Variants in ARHGEF10L observed in about 807,000 individuals in gnomAD.
The protein encoded by ARHGEF10L is Rho guanine nucleotide exchange factor 10 like, also known as rho guanine nucleotide exchange factor 10-like protein.
Under a neutral mutation model 141.2 loss-of-function variants are expected in ARHGEF10L, and 69 were observed. The observed-to-expected ratio is 0.49, with a 90% confidence interval of 0.40 to 0.60. The LOEUF is 0.60. ARHGEF10L is among the 20% of genes least tolerant of loss of function. The pLI is 0.00. For synonymous variants in ARHGEF10L, 711 were observed against 718.5 expected, an observed-to-expected ratio of 0.99 and a Z score of 0.17; for missense variants, 1,482 against 1,734.3, an observed-to-expected ratio of 0.85 and a Z score of 2.58.
chr1:17,542,808 A>G (rs2076776926), intron 1 of ARHGEF10L, among the ~76,000 whole-genome samples: 1 of 152,202 alleles, frequency 6.6e-6, no homozygotes, highest in Non-Finnish European at 1.5e-5. Context: ...GTCGAAGGTC[A>G]CTGCTGAAGC....
intron 25 of ARHGEF10L, among the ~76,000 whole-genome samples, chr1:17,662,503 G>C (rs114704420): frequency 5.0e-4 from 76 of 152,278 alleles, no homozygotes; most frequent in Non-Finnish European, 7.8e-4. Flanking sequence ...CTGGCTGGCC[G>C]GGCAGAGCGC....
intron 1 of ARHGEF10L, among the ~76,000 whole-genome samples, chr1:17,572,330 C>T (rs1364963808): frequency 6.6e-6 from 1 of 152,174 alleles, no homozygotes; most frequent in Non-Finnish European, 1.5e-5. Context: ...ACTCTGCAGG[C>T]ATGGAGAGTT....
rs770825211 is a variant in ARHGEF10L at position 17,632,529 on chromosome 1, CCA to C, written c.1730+64_1730+65del. ...CCTGGAGACCCCATCCCGCCCTACT[CCA>C]GTCTCTTGGCCGGCCGCACTACAGT... On this transcript the variant is annotated intron_variant, in intron 16 of 28. Coordinates refer to ENST00000361221, the MANE Select transcript of ARHGEF10L (RefSeq NM_018125.4). 1.7e-4 allele frequency: 279 copies of C among 1,605,234 alleles called. 1 individual carries two copies. Among genetic ancestry groups the C allele is most frequent in the Non-Finnish European group, 2.2e-4 (263 of 1,174,402 alleles).
chr1:17,603,178 G>A lies in ARHGEF10L; in HGVS notation c.350-330G>A, dbSNP rs1376980848. Among the ~76,000 whole-genome samples, 1 of 152,010 alleles carries A rather than the reference G, an allele frequency of 6.6e-6. No individual in the cohort carries two copies. Among genetic ancestry groups the A allele is most frequent in the East Asian group, 1.9e-4 (1 of 5,156 alleles). On this transcript the variant is annotated intron_variant, in intron 5 of 28. Transcript: ENST00000361221. The surrounding 1 kb of genome is among the most constrained non-coding windows in gnomAD (Gnocchi z 4.8). Reference sequence around the variant, plus strand: ...GTCCTGGGTGACTGAGGATGCTAGGGCCAGGGCACAGGTGCTGGACTGCGT... The same window carrying A: ...GTCCTGGGTGACTGAGGATGCTAGGACCAGGGCACAGGTGCTGGACTGCGT...
the ARHGEF10L span, among the ~76,000 whole-genome samples, chr1:17,526,059 C>T: frequency 1.1e-4 from 17 of 151,382 alleles, no homozygotes; most frequent in East Asian, 2.1e-3. Context: ...AACTAGAGGG[C>T]AATAACTCCC....
chr1:17,645,229 G>A (rs752314836), intron 21 of ARHGEF10L, among the ~76,000 whole-genome samples: 3 of 152,140 alleles, frequency 2.0e-5, no homozygotes, highest in Non-Finnish European at 2.9e-5. Context: ...AATTTTCAGC[G>A]ACAGCAGTCT....
the ARHGEF10L span, among the ~76,000 whole-genome samples, chr1:17,514,382 C>T: frequency 2.6e-5 from 4 of 151,602 alleles, no homozygotes; most frequent in East Asian, 2.0e-4. Flanking sequence ...GTGATCCACC[C>T]GCCTCAGACT....
rs543964217 is a variant in ARHGEF10L, at chr1:17,676,439, T to C, written c.3010-11134T>C. On this transcript the variant is annotated intron_variant, in intron 26 of 28. Transcript: ENST00000361221. The stretch of plus-strand genomic sequence containing the variant: ...GTGTAGGTGCAGGCATGGGTGCAGG[T>C]GTGGGTGCAGGTGTGGGGTGGTGGA... 2.0e-5 allele frequency among the ~76,000 whole-genome samples: 3 copies of C among 148,720 alleles called. No homozygotes were observed. The South Asian group carries it at 6.3e-4, about 31-fold the overall frequency.
At chr1:17,595,117 CA>C (rs1457654616) in intron 4 of ARHGEF10L, among the ~76,000 whole-genome samples, 2 of 151,866 alleles carry the variant, frequency 1.3e-5, no homozygotes, top group African/African-American at 4.8e-5. Context: ...TTAATCCTAC[CA>C]TGATGTGTTT....
chr1:17,590,596 G>A (rs563616469), intron 4 of ARHGEF10L, among the ~76,000 whole-genome samples: 1 of 152,272 alleles, frequency 6.6e-6, no homozygotes, highest in Admixed American at 6.5e-5. Flanking sequence ...TGGCTTAAGT[G>A]GCAGGCACGG....
intron 22 of ARHGEF10L, among the ~76,000 whole-genome samples, chr1:17,651,984 C>T (rs2061963574): frequency 6.6e-6 from 1 of 152,244 alleles, no homozygotes; most frequent in Non-Finnish European, 1.5e-5. Flanking sequence ...TGTCCAATTA[C>T]TGCAGAAGCA....
At chr1:17,668,654 C>T (rs757534093) in intron 26 of ARHGEF10L, among the ~76,000 whole-genome samples, 4 of 152,160 alleles carry the variant, frequency 2.6e-5, no homozygotes, top group Non-Finnish European at 5.9e-5. Flanking sequence ...AAGGGGTGGC[C>T]AGGGAGCCTC....
rs2060323242 is a variant in ARHGEF10L, at chr1:17,625,348, T to G, written c.1318-608T>G. Among the ~76,000 whole-genome samples the G allele has an allele frequency of 6.6e-6, 1 of 152,038 alleles. No homozygotes were observed. The highest frequency in any genetic ancestry group is 1.5e-5 in the Non-Finnish European group (1 of 67,992). On this transcript the variant is annotated intron_variant, in intron 13 of 28. Transcript: ENST00000361221. The surrounding 1 kb of genome is among the most constrained non-coding windows in gnomAD (Gnocchi z 4.5). ...GGAGTCCCAGGAGAGAAGGCCTGAG[T>G]GTGCACACTAAGAGGCGGCTGAGTT...
the ARHGEF10L span, among the ~76,000 whole-genome samples, chr1:17,516,117 C>T: frequency 2.0e-5 from 3 of 152,260 alleles, no homozygotes; most frequent in Non-Finnish European, 2.9e-5. Flanking sequence ...GGGCTGCTTC[C>T]AGTGTGCTGG....
In ARHGEF10L at chr1:17,635,450, C is replaced by T. The variant is rs527924741; in HGVS notation, c.1927+434C>T. On this transcript the variant is annotated intron_variant, in intron 18 of 28. Coordinates refer to ENST00000361221, the MANE Select transcript of ARHGEF10L (RefSeq NM_018125.4). ...GGTCCTGAGGGTGTACCACCTGCCT[C>T]ACTCACCTCCCTCTGCCCCTTCTCT... is the stretch of plus-strand genomic sequence containing the variant. Among the ~76,000 whole-genome samples, 4 of 152,336 alleles carry T rather than the reference C, an allele frequency of 2.6e-5. No individual in the cohort carries two copies. In the East Asian group the frequency reaches 5.8e-4, roughly 22 times the overall value.
rs74994188 is a variant in ARHGEF10L, at chr1:17,595,592, G to T, written c.258-6535G>T. ...CTGCTCTCTACTCATCCAGTAAGGG[G>T]ATCTGTGACCATGTGTGGGGTGGCA... On this transcript the variant is annotated intron_variant, in intron 4 of 28. Transcript: ENST00000361221. Among the ~76,000 whole-genome samples the T allele has an allele frequency of 7.6e-3, 1,164 of 152,302 alleles. 27 individuals are homozygous for T. The East Asian group carries it at 0.11, about 15-fold the overall frequency.
intron 2 of ARHGEF10L, 140 bp downstream of exon 2, chr1:17,580,772 C>T: frequency 1.1e-6 from 1 of 947,730 alleles, no homozygotes; most frequent in Non-Finnish European, 1.6e-6. Context: ...GCCTGGGCCG[C>T]ATCCTCTATC....
At chr1:17,592,303 A>T (rs1258162879) in intron 4 of ARHGEF10L, among the ~76,000 whole-genome samples, 1 of 151,914 alleles carries the variant, frequency 6.6e-6, no homozygotes, top group Non-Finnish European at 1.5e-5. Flanking sequence ...TGACCTCAGC[A>T]CTTTTCTGTG....
At chr1:17,685,912 G>T (rs773449920) in intron 26 of ARHGEF10L, among the ~76,000 whole-genome samples, 17 of 152,214 alleles carry the variant, frequency 1.1e-4, no homozygotes, top group Non-Finnish European at 2.4e-4. Context: ...GCAGTCTTGG[G>T]CTTCCTCCCA....
Sources: gnomAD v4.1 joint callset for allele counts (sites outside exome capture counted in the v4.1 genomes callset) on GRCh38, gnomAD v4.1.1 for gene constraint, Gnocchi (gnomAD v3.1) non-coding constraint, MANE v1.5 for transcripts, NCBI Gene and HGNC (gene_info 2026-07-23, HGNC 2026-07-21) for gene names.